ZNF263: variants seen among roughly 807,000 people sequenced by gnomAD.
ZNF263 encodes the protein zinc finger protein FPM315.
In ZNF263, 49 loss-of-function variants were observed where a neutral mutation model predicts 63.1. The observed-to-expected ratio is 0.78, with a 90% CI of 0.62 to 0.99. ZNF263 has a LOEUF of 0.99. ZNF263 is among the 50% of genes least tolerant of loss of function. ZNF263 has a pLI of 0.00. For missense variants in ZNF263, 872 were observed against 854.8 expected, an observed-to-expected ratio of 1.02 and a Z score of -0.25; for synonymous variants, 352 against 324.2, an observed-to-expected ratio of 1.09 and a Z score of -0.92.
Position 3,289,516 on chromosome 16 carries a change from C to A in ZNF263, c.1010C>A (p.Pro337His). 1.3e-6 allele frequency: 2 copies of A among 1,588,352 alleles called. No homozygotes were observed. The highest frequency in any genetic ancestry group is 1.7e-4 in the Middle Eastern group (1 of 5,922). ...CCCTGGAGTCCTGAGCTGGGAAGAC[C>A]TCATGACCGGTCGCAAGGGGATTGG... ...EVPWSPELGRPHDRSQGDWAP... is the reference protein window; with the variant it reads ...EVPWSPELGRHHDRSQGDWAP... The change falls in exon 6 of 6, where the codon CCT becomes CAT. Residue 337 changes from proline (P) to histidine (H), a missense_variant. By Grantham distance (77) the Pro-to-His change is moderately conservative. Transcript: ENST00000219069.
At chr16:3,299,293 A>T (rs529471581) in intron 2 of ZNF263, 1 of 1,610,742 alleles carries the variant, frequency 6.2e-7, no homozygotes, top group South Asian at 1.1e-5. Context: ...ATCTCCATTT[A>T]ACCACACCCT....
intron 1 of ZNF263, among the ~76,000 whole-genome samples, chr16:3,298,127 TAA>T (rs975496808): frequency 6.6e-6 from 1 of 152,334 alleles, no homozygotes. Flanking sequence ...AATGTGAGGT[TAA>T]GAGATTTTAA....
At chr16:3,284,952 G>T in intron 1 of ZNF263, 107 bp from the exon 2 acceptor site, 1 of 1,390,758 alleles carries the variant, frequency 7.2e-7, no homozygotes, top group Non-Finnish European at 9.9e-7. Flanking sequence ...TGGGCCCAAA[G>T]GGATCGCCTG....
chr16:3,285,015 C>G, intron 1 of ZNF263, 44 bp from the exon 2 acceptor site: 1 of 1,607,118 alleles, frequency 6.2e-7, no homozygotes, highest in Non-Finnish European at 8.5e-7. Context: ...TTCCCTTCCT[C>G]TTGGGCCCTG....
At chr16:3,284,251 G>T in intron 1 of ZNF263, 46 bp downstream of exon 1, 8 of 1,476,410 alleles carry the variant, frequency 5.4e-6, no homozygotes, top group Non-Finnish European at 7.2e-6. Flanking sequence ...GTTTAGCCCT[G>T]AGCACTGGGA....
intron 4 of ZNF263, 119 bp downstream of exon 4, chr16:3,286,268 T>C: frequency 4.2e-6 from 6 of 1,429,356 alleles, no homozygotes; most frequent in Non-Finnish European, 5.6e-6. Flanking sequence ...CACAGGAGAC[T>C]TCCCTTTGTC....
At chr16:3,288,317 G>C in intron 4 of ZNF263, 137 bp from the exon 5 acceptor site, 1 of 686,904 alleles carries the variant, frequency 1.5e-6, no homozygotes, top group South Asian at 1.5e-5. Context: ...GGAACAGTTT[G>C]TGTATATTCC....
chr16:3,298,966 T>C, intron 1 of ZNF263: 1 of 1,224,924 alleles, frequency 8.2e-7, no homozygotes, highest in Non-Finnish European at 1.1e-6. Context: ...ACACAAAATC[T>C]AATGATTAGA....
At chr16:3,286,352 C>G in intron 4 of ZNF263, 3 of 633,064 alleles carry the variant, frequency 4.7e-6, no homozygotes, top group Non-Finnish European at 4.9e-6. Context: ...ACTGGAGTCC[C>G]AGCTGCCAGA....
rs780245067 is a variant in ZNF263, at chr16:3,285,108, C to G, written c.437C>G (p.Pro146Arg). ...GAAGTGCTTTTGGAGGAGCCTTTGC[C>G]TCTGGAAACAGCACGAGAGTCACCG... The part of the protein sequence containing the change: ...GTEVLLEEPL[P>R]LETARESPSF... The change falls in exon 2 of 6, where the codon CCT becomes CGT. Residue 146 changes from proline to arginine, a missense_variant. Coordinates refer to ENST00000219069, the MANE Select transcript of ZNF263 (RefSeq NM_005741.5). 1.9e-6 allele frequency: 3 copies of G among 1,614,174 alleles called. No individual in the cohort carries two copies. Among genetic ancestry groups the G allele is most frequent in the Non-Finnish European group, 8.5e-7 (1 of 1,180,044 alleles).
Position 3,300,330 on chromosome 16 carries a change from A to G in ZNF263, c.*47-583A>G, listed in dbSNP as rs761438067. ...GAAGCTCCACGCCTCTTACCGGAAC[A>G]CCGGCTGAGCGTTTCTGTTGGTACC... On this transcript the variant is annotated intron_variant, in intron 2 of 2. Transcript: ENST00000574674. The G allele has an allele frequency of 1.4e-5, 22 of 1,614,116 alleles. 1 individual carries two copies. The South Asian group carries it at 2.2e-4, about 16-fold the overall frequency.
At chr16:3,285,658 A>T (rs1242195093) in intron 2 of ZNF263, 23 bp from the exon 3 acceptor site, 2 of 1,612,150 alleles carry the variant, frequency 1.2e-6, no homozygotes, top group Admixed American at 3.3e-5. Flanking sequence ...TGCCATTCTC[A>T]TTATAATTTC....
chr16:3,288,364 T>G, intron 4 of ZNF263, 90 bp from the exon 5 acceptor site: 1 of 909,140 alleles, frequency 1.1e-6, no homozygotes, highest in Non-Finnish European at 1.8e-6. Context: ...CATTCTGTAT[T>G]TATCCACTGA....
chr16:3,296,682 A>G (rs1406967216), intron 1 of ZNF263, among the ~76,000 whole-genome samples: 2 of 152,226 alleles, frequency 1.3e-5, no homozygotes, highest in Non-Finnish European at 2.9e-5. Flanking sequence ...TGGGTAATAA[A>G]TAAGGCACAA....
At chr16:3,288,884 C>T (rs1057370673) in intron 5 of ZNF263, among the ~76,000 whole-genome samples, 1 of 152,062 alleles carries the variant, frequency 6.6e-6, no homozygotes, top group Non-Finnish European at 1.5e-5. Context: ...TCAGGTGATC[C>T]ACCCACCTCG....
At chr16:3,287,842 G>C (rs1436543347) in intron 4 of ZNF263, among the ~76,000 whole-genome samples, 3 of 151,232 alleles carry the variant, frequency 2.0e-5, no homozygotes, top group Admixed American at 2.0e-4. Context: ...GCCCTTTTAT[G>C]ATATTAAATG....
At chr16:3,285,779 C>G (rs1250006713) in intron 3 of ZNF263, 25 bp downstream of exon 3, 1 of 1,610,334 alleles carries the variant, frequency 6.2e-7, no homozygotes, top group African/African-American at 1.3e-5. Context: ...TCCATTGTCT[C>G]CCCCCAGCAC....
Position 3,291,108 on chromosome 16 carries a change from C to T in ZNF263, c.*550C>T, listed in dbSNP as rs1359647472. On this transcript the variant is annotated 3_prime_UTR_variant, in exon 6 of 6. Coordinates refer to ENST00000219069, the MANE Select transcript of ZNF263 (RefSeq NM_005741.5). Reference sequence around the variant, plus strand: ...CCAGATCAAGCCACCACGTGCCCTACGATGGCCTAACAGGAGTGCCCATTG... The same window carrying T: ...CCAGATCAAGCCACCACGTGCCCTATGATGGCCTAACAGGAGTGCCCATTG... 4.0e-5 allele frequency: 40 copies of T among 987,788 alleles called. No individual in the cohort carries two copies. The highest frequency in any genetic ancestry group is 4.7e-5 in the Non-Finnish European group (39 of 831,452). 61.2% of individuals were successfully genotyped at this position (987,788 alleles called of 1,614,324 possible). A position where few individuals can be genotyped will look rare whatever the true frequency, so the allele number is the denominator to read the frequency against.
At chr16:3,292,483 G>A (rs1959637352), downstream of ZNF263, among the ~76,000 whole-genome samples, 1 of 152,174 alleles carries the variant, frequency 6.6e-6, no homozygotes, top group Non-Finnish European at 1.5e-5. Context: ...ATCAACAGTG[G>A]TAGGAGCAGG....
Sources: allele counts gnomAD v4.1 joint callset (sites outside exome capture counted in the v4.1 genomes callset), GRCh38; gene constraint gnomAD v4.1.1; transcripts MANE v1.5; gene names NCBI Gene and HGNC (gene_info 2026-07-23, HGNC 2026-07-21).